The following SLC8A3 variants were observed in gnomAD, a reference collection of about 807,000 sequenced individuals.
The protein encoded by SLC8A3 is solute carrier family 8 member A3.
Under a neutral mutation model 65.4 loss-of-function variants are expected in SLC8A3, and 37 were observed. The ratio of observed to expected loss-of-function variants is 0.57; its 90% confidence interval spans 0.44 to 0.74. The LOEUF is 0.74. Ranked by LOEUF, SLC8A3 falls within the 30% of genes least tolerant of loss-of-function variation. The pLI, the probability that SLC8A3 is intolerant of heterozygous loss-of-function variation, is 0.00. For synonymous variants in SLC8A3, 461 were observed against 444.5 expected, an observed-to-expected ratio of 1.04 and a Z score of -0.47; for missense variants, 1,112 against 1,172.1, an observed-to-expected ratio of 0.95 and a Z score of 0.75.
At chr14:70,126,570 T>TCTCTCTCACA (rs1385909771) in intron 2 of SLC8A3, among the ~76,000 whole-genome samples, 298 of 117,102 alleles carry the variant, frequency 2.5e-3, no homozygotes, top group African/African-American at 6.8e-3. Flanking sequence ...TCTCTCTCTC[T>TCTCTCTCACA]CACACACACA....
chr14:70,062,679 A>G (rs1888945086), intron 2 of SLC8A3, among the ~76,000 whole-genome samples: 1 of 152,178 alleles, frequency 6.6e-6, no homozygotes, highest in Admixed American at 6.5e-5. Context: ...GTACATTTTT[A>G]TTACCTTTTT....
intron 2 of SLC8A3, among the ~76,000 whole-genome samples, chr14:70,077,064 A>G (rs1412667010): frequency 1.3e-5 from 2 of 152,228 alleles, no homozygotes; most frequent in Non-Finnish European, 2.9e-5. Context: ...TAACTGGCAT[A>G]CAATAAGCAG....
At chr14:70,169,952 T>C (rs1897409465) in intron 1 of SLC8A3, among the ~76,000 whole-genome samples, 1 of 152,020 alleles carries the variant, frequency 6.6e-6, no homozygotes, top group African/African-American at 2.4e-5. Flanking sequence ...ATCAACTCTT[T>C]CTCCATTTCT....
At chr14:70,144,101 T>A (rs1895744900) in intron 2 of SLC8A3, among the ~76,000 whole-genome samples, 1 of 151,978 alleles carries the variant, frequency 6.6e-6, no homozygotes, top group Non-Finnish European at 1.5e-5. Context: ...CTGACTCTTC[T>A]CCATACCCCG....
rs895610728 is a variant in SLC8A3, at chr14:70,154,570, C to T, written c.1784+12069G>A. On this transcript the variant is annotated intron_variant, in intron 2 of 6. Coordinates refer to ENST00000356921, the MANE Select transcript of SLC8A3 (RefSeq NM_182932.3). ...TTGCCATGCTGGGTGCAAAATCTTT[C>T]AAAGCAAAAGGCCAGAGAAGTACCA... 4.9e-4 allele frequency among the ~76,000 whole-genome samples: 75 copies of T among 152,282 alleles called. 1 individual carries two copies. The highest frequency in any genetic ancestry group is 9.6e-4 in the Non-Finnish European group (65 of 68,026).
At chr14:70,153,148 A>G (rs1185686007) in intron 2 of SLC8A3, among the ~76,000 whole-genome samples, 1 of 152,168 alleles carries the variant, frequency 6.6e-6, no homozygotes, top group Non-Finnish European at 1.5e-5. Context: ...TGAGAGCCCA[A>G]TTCCAGTCCC....
At chr14:70,086,070 C>T (rs529686825) in intron 2 of SLC8A3, among the ~76,000 whole-genome samples, 49 of 152,328 alleles carry the variant, frequency 3.2e-4, no homozygotes, top group African/African-American at 1.0e-3. Context: ...ATTGTGGCCT[C>T]TCTCATCACC....
chr14:70,165,008 A>G (rs968128013), intron 2 of SLC8A3, among the ~76,000 whole-genome samples: 1 of 152,204 alleles, frequency 6.6e-6, no homozygotes, highest in Non-Finnish European at 1.5e-5. Context: ...GTCAATGGCC[A>G]TTTCCCTTCA....
chr14:70,098,624 C>T (rs1406937621), intron 2 of SLC8A3, among the ~76,000 whole-genome samples: 3 of 152,178 alleles, frequency 2.0e-5, no homozygotes, highest in Non-Finnish European at 4.4e-5. Flanking sequence ...CTGCTGGGGA[C>T]TGCACCCACT....
At chr14:70,157,793 T>C (rs555628595) in intron 2 of SLC8A3, among the ~76,000 whole-genome samples, 4 of 152,194 alleles carry the variant, frequency 2.6e-5, no homozygotes, top group African/African-American at 9.7e-5. Context: ...GACAAACACT[T>C]CATAGTGAAG....
intron 2 of SLC8A3, among the ~76,000 whole-genome samples, chr14:70,078,678 T>C (rs530870769): frequency 6.6e-6 from 1 of 152,322 alleles, no homozygotes; most frequent in Admixed American, 6.5e-5. Context: ...CCTCAGCACA[T>C]ACATTCAGTT....
At chr14:70,084,854 T>A (rs557384961) in intron 2 of SLC8A3, among the ~76,000 whole-genome samples, 1 of 152,284 alleles carries the variant, frequency 6.6e-6, no homozygotes, top group Non-Finnish European at 1.5e-5. Context: ...GGTACTTGTT[T>A]GACATTGGAC....
intron 2 of SLC8A3, among the ~76,000 whole-genome samples, chr14:70,082,237 A>C (rs1040565085): frequency 6.6e-6 from 1 of 151,306 alleles, no homozygotes; most frequent in African/African-American, 2.5e-5. Flanking sequence ...TATCCTTGAT[A>C]AGATTTTCTA....
In SLC8A3 at chr14:70,157,893, G is replaced by A. The variant is rs563131026; in HGVS notation, c.1784+8746C>T. 4.6e-5 allele frequency among the ~76,000 whole-genome samples: 7 copies of A among 152,330 alleles called. 1 individual carries two copies. In the South Asian group the frequency reaches 1.5e-3, roughly 32 times the overall value. On this transcript the variant is annotated intron_variant, in intron 2 of 6. Transcript: ENST00000356921. ...TGAAGCTAGTTCGTTCTGGCTAAAT[G>A]ACAGGCTTTCTTAAGGGATCCTTTC... is the stretch of plus-strand genomic sequence containing the variant.
chr14:70,089,721 C>T (rs1891687674), intron 2 of SLC8A3, among the ~76,000 whole-genome samples: 1 of 152,194 alleles, frequency 6.6e-6, no homozygotes, highest in Admixed American at 6.5e-5. Context: ...CTTCATTACA[C>T]CGTCGAGCCA....
chr14:70,048,388 A>G (rs780795832), intron 6 of SLC8A3: 13 of 553,802 alleles, frequency 2.3e-5, no homozygotes, highest in East Asian at 8.8e-5. Context: ...GTCTACTCAC[A>G]TAATGTGGAG....
Position 70,186,299 on chromosome 14 carries a change from C to T in SLC8A3, c.-63+2080G>A, listed in dbSNP as rs145623158. Among the ~76,000 whole-genome samples the T allele has an allele frequency of 1.3e-3, 204 of 152,334 alleles. 2 individuals carry two copies. In the East Asian group the frequency reaches 0.029, roughly 21 times the overall value. ...CCTGTGGAACTGTGACTCTATTAAA[C>T]CTCTTTCCTTTATAAATTACCCAGT... On this transcript the variant is annotated intron_variant, in intron 1 of 6. Transcript: ENST00000356921.
intron 2 of SLC8A3, among the ~76,000 whole-genome samples, chr14:70,164,477 C>T (rs1897054981): frequency 6.6e-6 from 1 of 152,076 alleles, no homozygotes; most frequent in African/African-American, 2.4e-5. Flanking sequence ...CCAGAATTCT[C>T]AAGGTTGACA....
intron 2 of SLC8A3, among the ~76,000 whole-genome samples, chr14:70,118,895 A>G (rs972219367): frequency 6.6e-6 from 1 of 152,200 alleles, no homozygotes; most frequent in South Asian, 2.1e-4. Context: ...TTGCTGTATA[A>G]AGTCATTCAA....
Sources: gnomAD v4.1 joint callset for allele counts (sites outside exome capture counted in the v4.1 genomes callset) on GRCh38, gnomAD v4.1.1 for gene constraint, MANE v1.5 for transcripts, NCBI Gene and HGNC (gene_info 2026-07-23, HGNC 2026-07-21) for gene names.